The following KCNAB2 variants were observed in gnomAD, a reference collection of about 807,000 sequenced individuals.
KCNAB2 encodes the protein potassium voltage-gated channel subfamily A regulatory beta subunit 2, also known as voltage-gated potassium channel subunit beta-2.
A neutral mutation model predicts 63.6 loss-of-function variants in KCNAB2; 29 were observed. The ratio of observed to expected loss-of-function variants is 0.46; its 90% confidence interval spans 0.34 to 0.62. The LOEUF is 0.62. Ranked by LOEUF, KCNAB2 falls within the 20% of genes least tolerant of loss-of-function variation. The pLI, the probability that KCNAB2 is intolerant of heterozygous loss-of-function variation, is 0.01. For synonymous variants in KCNAB2, 222 were observed against 224.2 expected, an observed-to-expected ratio of 0.99 and a Z score of 0.09; for missense variants, 359 against 563.9, an observed-to-expected ratio of 0.64 and a Z score of 3.68.
rs900745360 is a variant in KCNAB2 at position 6,087,494 on chromosome 1, G to A, written c.453G>A (p.Lys151=). The A allele has an allele frequency of 6.2e-7, 1 of 1,614,192 alleles. No individual in the cohort carries two copies. The highest frequency in any genetic ancestry group is 1.3e-5 in the African/African-American group (1 of 75,062). ...WRRSSLVITT[K]IFWGGKAETE... ...GGTCCAGCCTCGTCATCACCACCAAGATCTTCTGGGGCGGAAAGTAGGTGC... is the reference window on the plus strand; with the variant it reads ...GGTCCAGCCTCGTCATCACCACCAAAATCTTCTGGGGCGGAAAGTAGGTGC... Residue 151 remains lysine (K), a synonymous_variant, in exon 7 of 16, where the codon AAG becomes AAA. Coordinates refer to ENST00000378083, the MANE Select transcript of KCNAB2 (RefSeq NM_001199862.2). The surrounding 1 kb of genome is among the most constrained non-coding windows in gnomAD (Gnocchi z 6.4).
chr1:6,009,228 T>TG (rs2100259213), intron 1 of KCNAB2, among the ~76,000 whole-genome samples: 1 of 152,314 alleles, frequency 6.6e-6, no homozygotes, highest in African/African-American at 2.4e-5. Flanking sequence ...ACCTATCCCT[T>TG]GGAGTATCTG....
In KCNAB2 at chr1:6,094,423, G is replaced by A. The variant is rs139500127; in HGVS notation, c.670G>A (p.Val224Ile). Residue 224 changes from valine (V) to isoleucine (I), a missense_variant, in exon 11 of 16, where the codon GTC becomes ATC. Coordinates refer to ENST00000378083, the MANE Select transcript of KCNAB2 (RefSeq NM_001199862.2). ...AGAGACCGTCCGCGCCATGACCCAC[G>A]TCATCAACCAGGGGATGGCCATGTA... ...IEETVRAMTH[V>I]INQGMAMYWG... 1.6e-5 allele frequency: 26 copies of A among 1,611,678 alleles called. No individual in the cohort carries two copies. The highest frequency in any genetic ancestry group is 2.1e-5 in the Non-Finnish European group (25 of 1,179,420).
intron 2 of KCNAB2, among the ~76,000 whole-genome samples, chr1:6,053,228 G>A (rs1173780123): frequency 6.6e-6 from 1 of 152,098 alleles, no homozygotes. Flanking sequence ...GGAGACGCTG[G>A]GCATTCATGA....
At chr1:6,025,225 G>A (rs1298215536) in intron 1 of KCNAB2, among the ~76,000 whole-genome samples, 4 of 152,072 alleles carry the variant, frequency 2.6e-5, no homozygotes, top group Non-Finnish European at 5.9e-5. Flanking sequence ...CCTGGTGTAG[G>A]CTTCAGAGCT....
At chr1:6,007,848 C>T (rs1657917657) in intron 1 of KCNAB2, among the ~76,000 whole-genome samples, 1 of 152,234 alleles carries the variant, frequency 6.6e-6, no homozygotes, top group South Asian at 2.1e-4. Context: ...CACTGATGAG[C>T]CCAACAGATG....
upstream of KCNAB2, among the ~76,000 whole-genome samples, chr1:6,043,868 C>T (rs1660706149): frequency 6.6e-6 from 1 of 152,228 alleles, no homozygotes; most frequent in Admixed American, 6.5e-5. Context: ...TGCCACGCAG[C>T]AATCAGCATC....
chr1:6,086,383 C>T lies in KCNAB2; in HGVS notation c.426-1084C>T. On this transcript the variant is annotated intron_variant, in intron 6 of 15. Transcript: ENST00000378083. This position sits in a 1 kb window ranked among gnomAD's most constrained non-coding sequence, Gnocchi z 4.2. ...CACGTATTAGCAAATCCCCTGATCA[C>T]GTCTTTGGCGAATGTGCATGGAGGT... The T allele has an allele frequency of 2.0e-6, 2 of 985,292 alleles. No individual in the cohort carries two copies. The highest frequency in any genetic ancestry group is 1.7e-5 in the African/African-American group (1 of 57,354). 61.0% of individuals were successfully genotyped at this position (985,292 alleles called of 1,614,324 possible). A position where few individuals can be genotyped will look rare whatever the true frequency, so the allele number is the denominator to read the frequency against.
At chr1:6,093,262 C>G (rs1274553760) in intron 10 of KCNAB2, among the ~76,000 whole-genome samples, 1 of 152,222 alleles carries the variant, frequency 6.6e-6, no homozygotes, top group African/African-American at 2.4e-5. Context: ...CTTGCACTCC[C>G]ACTCACTCCC....
chr1:6,025,107 CT>C (rs1352744341), intron 1 of KCNAB2, among the ~76,000 whole-genome samples: 1 of 152,188 alleles, frequency 6.6e-6, no homozygotes, highest in East Asian at 1.9e-4. Context: ...GACACCTCTA[CT>C]TTCCTAGTGA....
intron 1 of KCNAB2, among the ~76,000 whole-genome samples, chr1:6,027,955 C>T (rs1012797813): frequency 1.1e-4 from 17 of 152,248 alleles, no homozygotes; most frequent in Admixed American, 3.9e-4. Flanking sequence ...CCTCGCATTT[C>T]TTTGGCTGCA....
upstream of KCNAB2, among the ~76,000 whole-genome samples, chr1:6,029,837 AG>A (rs1659465034): frequency 1.3e-5 from 2 of 152,202 alleles, no homozygotes; most frequent in Non-Finnish European, 2.9e-5. Flanking sequence ...GGTCACCCAA[AG>A]GGGATGGAAT....
Position 6,078,894 on chromosome 1 carries a change from G to A in KCNAB2, c.301-3301G>A, listed in dbSNP as rs1220113475. Reference sequence around the variant, plus strand: ...GCCCATGGACCACGCTTTGCCTGGGGAAGGTGCAGGGAGAGAGGATGGAAG... The same window carrying A: ...GCCCATGGACCACGCTTTGCCTGGGAAAGGTGCAGGGAGAGAGGATGGAAG... On this transcript the variant is annotated intron_variant, in intron 4 of 15. Coordinates refer to ENST00000378083, the MANE Select transcript of KCNAB2 (RefSeq NM_001199862.2). This position sits in a 1 kb window ranked among gnomAD's most constrained non-coding sequence, Gnocchi z 4.2. 6.6e-6 allele frequency among the ~76,000 whole-genome samples: 1 copy of A among 152,224 alleles called. No individual in the cohort carries two copies. Among genetic ancestry groups the A allele is most frequent in the Non-Finnish European group, 1.5e-5 (1 of 68,036 alleles).
intron 5 of KCNAB2, among the ~76,000 whole-genome samples, chr1:6,082,631 G>A (rs1557496601): frequency 6.6e-6 from 1 of 152,156 alleles, no homozygotes; most frequent in Admixed American, 6.5e-5. Flanking sequence ...TAGGGCTGCA[G>A]GGCCTCAGAG....
chr1:6,006,045 C>T (rs1317609889), intron 1 of KCNAB2, among the ~76,000 whole-genome samples: 12 of 1,004 alleles, frequency 0.012, 4 homozygotes, highest in East Asian at 0.094. Flanking sequence ...CACATCCCCC[C>T]ACTCCACCCT....
chr1:6,099,638 T>C lies in KCNAB2; in HGVS notation c.*1064T>C. 2.0e-6 allele frequency: 2 copies of C among 999,454 alleles called. No homozygotes were observed. Among genetic ancestry groups the C allele is most frequent in the South Asian group, 3.9e-5 (2 of 50,762 alleles). The allele number at this position is 999,454 out of a possible 1,614,324, so 61.9% of individuals were successfully genotyped here. ...GCACCGAGCTGGTGGGCTTGGGTTT[T>C]GTGGAGCGCATGCTTGGACCCTTTC... On this transcript the variant is annotated 3_prime_UTR_variant, in exon 16 of 16. Transcript: ENST00000378083.
At chr1:6,023,417 C>CAGTG (rs34880806) in intron 1 of KCNAB2, among the ~76,000 whole-genome samples, 16,276 of 152,260 alleles carry the variant, frequency 0.11, 1,162 homozygotes, top group Non-Finnish European at 0.16. Context: ...TTCCCACCAA[C>CAGTG]AGTGCACAGG....
chr1:6,072,578 T>A (rs1051820561), intron 2 of KCNAB2, among the ~76,000 whole-genome samples, 177 bp from the exon 3 acceptor site: 1 of 152,178 alleles, frequency 6.6e-6, no homozygotes, highest in African/African-American at 2.4e-5. Flanking sequence ...GTTGGCACTT[T>A]ACCCCCGGGG....
intron 8 of KCNAB2, 85 bp from the exon 9 acceptor site, chr1:6,090,304 T>C: frequency 2.1e-6 from 2 of 937,150 alleles, no homozygotes; most frequent in South Asian, 1.5e-5. Context: ...CCATCTCTTG[T>C]TCCCTGAGCC....
At chr1:6,011,290 G>A (rs564581806) in intron 1 of KCNAB2, among the ~76,000 whole-genome samples, 3 of 151,696 alleles carry the variant, frequency 2.0e-5, no homozygotes, top group South Asian at 4.2e-4. Context: ...CCAGGTGTGC[G>A]GGAGACAGGC....
Sources: gnomAD v4.1 joint callset for allele counts (sites outside exome capture counted in the v4.1 genomes callset) on GRCh38, gnomAD v4.1.1 for gene constraint, Gnocchi (gnomAD v3.1) non-coding constraint, MANE v1.5 for transcripts, NCBI Gene and HGNC (gene_info 2026-07-23, HGNC 2026-07-21) for gene names.